The following LHX4 variants were observed in gnomAD, a reference collection of about 807,000 sequenced individuals.
The protein encoded by LHX4 is LIM homeobox 4, also known as LIM/homeobox protein Lhx4.
LHX4 carries 16 observed loss-of-function variants against 39.2 expected under a neutral mutation model. The ratio of observed to expected loss-of-function variants is 0.41; its 90% CI spans 0.28 to 0.62. The LOEUF is 0.62. Among genes scored for constraint, LHX4 ranks in the 20% least tolerant of loss-of-function variants. The pLI is 0.33. For missense variants in LHX4, 439 were observed against 511.9 expected, an observed-to-expected ratio of 0.86 and a Z score of 1.37; for synonymous variants, 206 against 198.1, an observed-to-expected ratio of 1.04 and a Z score of -0.33.
At chr1:180,262,618 T>C (rs1004490493) in intron 2 of LHX4, among the ~76,000 whole-genome samples, 1 of 149,782 alleles carries the variant, frequency 6.7e-6, no homozygotes, top group Admixed American at 6.7e-5. Context: ...CTGAGGCCTG[T>C]GGAAATAAAT....
chr1:180,258,803 C>G (rs924929652), intron 2 of LHX4, among the ~76,000 whole-genome samples: 1 of 151,440 alleles, frequency 6.6e-6, no homozygotes, highest in Non-Finnish European at 1.5e-5. Context: ...GACCCTGTCT[C>G]CAAATAATAA....
chr1:180,242,025 C>T (rs1664453593), intron 1 of LHX4, among the ~76,000 whole-genome samples: 1 of 151,932 alleles, frequency 6.6e-6, no homozygotes, highest in African/African-American at 2.4e-5. Flanking sequence ...CTATGTTGCC[C>T]AGGCTGATCT....
chr1:180,246,062 A>T (rs182373023), intron 1 of LHX4, among the ~76,000 whole-genome samples: 1 of 152,080 alleles, frequency 6.6e-6, no homozygotes, highest in African/African-American at 2.4e-5. Context: ...GGGACACCTG[A>T]TAGTTTTCAT....
At chr1:180,229,964 A>AGG (rs370353766), upstream of LHX4, among the ~76,000 whole-genome samples, 59 of 73,484 alleles carry the variant, frequency 8.0e-4, 1 homozygote, top group Admixed American at 2.2e-3. Context: ...GGAGGCGGGG[A>AGG]GGGGGGGGGG....
chr1:180,252,230 G>A (rs1445732672), intron 2 of LHX4, among the ~76,000 whole-genome samples: 3 of 152,200 alleles, frequency 2.0e-5, no homozygotes, highest in Non-Finnish European at 4.4e-5. Context: ...CAGTGGAGGT[G>A]CAGTAAGGAC....
At chr1:180,243,758 A>T (rs756273618) in intron 1 of LHX4, among the ~76,000 whole-genome samples, 2 of 152,044 alleles carry the variant, frequency 1.3e-5, no homozygotes, top group Non-Finnish European at 2.9e-5. Flanking sequence ...TGCCTGTGTC[A>T]TCTCAGTTTT....
chr1:180,264,051 C>T (rs1050039210), intron 2 of LHX4, among the ~76,000 whole-genome samples: 1 of 152,100 alleles, frequency 6.6e-6, no homozygotes, highest in Non-Finnish European at 1.5e-5. Context: ...GTAGCCTCAA[C>T]CTCCCTGGGC....
At chr1:180,251,669 T>C (rs1240188476) in intron 2 of LHX4, among the ~76,000 whole-genome samples, 4 of 152,228 alleles carry the variant, frequency 2.6e-5, no homozygotes, top group Non-Finnish European at 5.9e-5. Flanking sequence ...TTCTTCTGTA[T>C]GCTGCAAGGC....
intron 1 of LHX4, among the ~76,000 whole-genome samples, chr1:180,239,817 G>A (rs1049137193): frequency 2.0e-5 from 3 of 152,216 alleles, no homozygotes; most frequent in African/African-American, 7.2e-5. Context: ...TTGGAGTGCT[G>A]GTGGTCTTAA....
At position 180,230,953 on chromosome 1, in the gene LHX4, A is replaced by G. The variant is rs1664161789; in HGVS notation, c.76+348A>G. ...CCTGAGGGCGAGGGTGGTCCCCACA[A>G]ATCTTCTTTCGCCGGCGTGACGGTC... On this transcript the variant is annotated intron_variant, in intron 1 of 5. Transcript: ENST00000263726. This position sits in a 1 kb window ranked among gnomAD's most constrained non-coding sequence, Gnocchi z 5.8. Among the ~76,000 whole-genome samples, 1 of 151,970 alleles carries G rather than the reference A, an allele frequency of 6.6e-6. No homozygotes were observed.
In LHX4 at chr1:180,234,175, AT is replaced by A. The variant is rs1329984676; in HGVS notation, c.76+3571del. On this transcript the variant is annotated intron_variant, in intron 1 of 5. Coordinates refer to ENST00000263726, the MANE Select transcript of LHX4 (RefSeq NM_033343.4). This position sits in a 1 kb window ranked among gnomAD's most constrained non-coding sequence, Gnocchi z 4.8. ...CACACACAACACACACAAATTATAT[AT>A]ATATATATATATATATATATATATA... 2.3e-4 allele frequency among the ~76,000 whole-genome samples: 4 copies of A among 17,198 alleles called. No individual in the cohort carries two copies. In the East Asian group the frequency reaches 5.1e-3, roughly 22 times the overall value. 11.3% of individuals were successfully genotyped at this position (17,198 alleles called of 152,430 possible).
chr1:180,234,096 G>A lies in LHX4; in HGVS notation c.76+3491G>A, dbSNP rs1437988677. Among the ~76,000 whole-genome samples, 1 of 145,978 alleles carries A rather than the reference G, an allele frequency of 6.9e-6. No homozygotes were observed. Among genetic ancestry groups the A allele is most frequent in the Middle Eastern group, 3.5e-3 (1 of 288 alleles). Reference sequence around the variant, plus strand: ...AAGACAGGAGTTCACTCAAACGCTGGTGCTGTTCGCTCTTCTTTCCATTCC... The same window carrying A: ...AAGACAGGAGTTCACTCAAACGCTGATGCTGTTCGCTCTTCTTTCCATTCC... On this transcript the variant is annotated intron_variant, in intron 1 of 5. Transcript: ENST00000263726. The surrounding 1 kb of genome is among the most constrained non-coding windows in gnomAD (Gnocchi z 4.8).
rs748268631 is a variant in LHX4, at chr1:180,271,834, G to A, written c.607-1G>A. 2 of 1,613,844 alleles carry A rather than the reference G, an allele frequency of 1.2e-6. No individual in the cohort carries two copies. Among genetic ancestry groups the A allele is most frequent in the Admixed American group, 3.3e-5 (2 of 59,998 alleles). ...GTATGTCCCTTGTGCTTGTGTGGCA[G>A]GTTTGGTTTCAGAACAGAAGGGCCA... On this transcript the variant is annotated splice_acceptor_variant, in intron 4 of 5. Coordinates refer to ENST00000263726, the MANE Select transcript of LHX4 (RefSeq NM_033343.4). LOFTEE classifies it high-confidence loss of function.
In LHX4 at chr1:180,230,515, G is replaced by C; in HGVS notation, c.-15G>C. The C allele has an allele frequency of 6.2e-7, 1 of 1,611,528 alleles. No individual in the cohort carries two copies. The highest frequency in any genetic ancestry group is 8.5e-7 in the Non-Finnish European group (1 of 1,178,128). ...AGATCTCCGTAGACTGCGACTCGCT[G>C]GCTTTCGCTCCGAGATGATGCAGAG... is the stretch of plus-strand genomic sequence containing the variant. On this transcript the variant is annotated 5_prime_UTR_variant, in exon 1 of 6. Coordinates refer to ENST00000263726, the MANE Select transcript of LHX4 (RefSeq NM_033343.4). This position sits in a 1 kb window ranked among gnomAD's most constrained non-coding sequence, Gnocchi z 5.8.
chr1:180,267,315 G>A (rs1272068330), intron 3 of LHX4, among the ~76,000 whole-genome samples: 1 of 152,272 alleles, frequency 6.6e-6, no homozygotes, highest in Admixed American at 6.5e-5. Flanking sequence ...CTGCATGGTG[G>A]AGGCCGAAGT....
chr1:180,271,880 G>A lies in LHX4; in HGVS notation c.652G>A (p.Asp218Asn), dbSNP rs761455183. The part of the protein sequence containing the change: ...RRAKEKRLKK[D>N]AGRHRWGQFY... ...GGCCAAAGAGAAACGCCTGAAGAAG[G>A]ATGCAGGGCGGCACCGCTGGGGGCA... The change falls in exon 5 of 6, where the codon GAT (aspartate) becomes AAT (asparagine). Residue 218 changes from aspartate to asparagine, a missense_variant. Transcript: ENST00000263726. 17 of 1,613,740 alleles carry A rather than the reference G, an allele frequency of 1.1e-5. No individual in the cohort carries two copies. Among genetic ancestry groups the A allele is most frequent in the Admixed American group, 1.0e-4 (6 of 59,986 alleles).
At chr1:180,245,976 G>A (rs1051103335) in intron 1 of LHX4, among the ~76,000 whole-genome samples, 4 of 151,676 alleles carry the variant, frequency 2.6e-5, no homozygotes, top group African/African-American at 7.3e-5. Flanking sequence ...ACTGGACTGC[G>A]TATTCCTCAA....
At position 180,261,140 on chromosome 1, in the gene LHX4, C is replaced by T. The variant is rs182308176; in HGVS notation, c.249-5252C>T. On this transcript the variant is annotated intron_variant, in intron 2 of 5. Transcript: ENST00000263726. ...GGCACAGTGGCTCACACCTGTAATT[C>T]CAGTGCTTTGGGGGCCAAGATGGGA... Among the ~76,000 whole-genome samples the T allele has an allele frequency of 2.1e-3, 323 of 151,922 alleles. 2 individuals carry two copies. The highest frequency in any genetic ancestry group is 0.01 in the Middle Eastern group (3 of 294).
In LHX4 at chr1:180,248,402, C is replaced by A. The variant is rs752455651; in HGVS notation, c.194C>A (p.Ala65Glu). ...TGTGCAGACTGCCAGATGCAGCTGG[C>A]GGACAGGTGCTTCTCCAGGGCTGGG... is the stretch of plus-strand genomic sequence containing the variant. Reference protein sequence around the residue: ...LKCADCQMQLADRCFSRAGSV... With the variant: ...LKCADCQMQLEDRCFSRAGSV... Residue 65 changes from alanine to glutamate, a missense_variant, in exon 2 of 6, where the codon GCG becomes GAG. By Grantham distance (107) the Ala-to-Glu change is moderately radical. Coordinates refer to ENST00000263726, the MANE Select transcript of LHX4 (RefSeq NM_033343.4). 1 of 1,614,116 alleles carries A rather than the reference C, an allele frequency of 6.2e-7. No individual in the cohort carries two copies.
Sources: allele counts gnomAD v4.1 joint callset (sites outside exome capture counted in the v4.1 genomes callset), GRCh38; gene constraint gnomAD v4.1.1; non-coding constraint Gnocchi (gnomAD v3.1); transcripts MANE v1.5; gene names NCBI Gene and HGNC (gene_info 2026-07-23, HGNC 2026-07-21).